Variants in LRCH1 observed in about 807,000 individuals in gnomAD.
The protein encoded by LRCH1 is leucine rich repeats and calponin homology domain containing 1, also known as leucine-rich repeat and calponin homology domain-containing protein 1.
A neutral mutation model predicts 94.9 loss-of-function variants in LRCH1; 23 were observed. The observed-to-expected ratio is 0.24, with a 90% CI of 0.17 to 0.34. The LOEUF is 0.34. Among genes scored for constraint, LRCH1 ranks in the 10% least tolerant of loss-of-function variants. The probability of loss-of-function intolerance (pLI) is 1.00; values close to 1 mark genes in which losing one functional copy is unlikely to be tolerated. For missense variants in LRCH1, 790 were observed against 945.9 expected (o/e 0.84, Z 2.16); for synonymous variants, 364 against 354.9 (o/e 1.03, Z -0.29).
intron 3 of LRCH1, 51 bp downstream of exon 3, chr13:46,669,207 G>A (rs748623424): frequency 1.9e-6 from 3 of 1,597,866 alleles, no homozygotes; most frequent in Non-Finnish European, 2.6e-6. Flanking sequence ...ACTGATCATA[G>A]CCTCTCAAGG....
rs964907995 is a variant in LRCH1 at position 46,555,132 on chromosome 13, A to G, written c.307+1429A>G. 6.6e-5 allele frequency among the ~76,000 whole-genome samples: 10 copies of G among 152,238 alleles called. No individual in the cohort carries two copies. In the East Asian group the frequency reaches 1.9e-3, roughly 29 times the overall value. On this transcript the variant is annotated intron_variant, in intron 1 of 19. Coordinates refer to ENST00000389797, the MANE Select transcript of LRCH1 (RefSeq NM_001164211.2). ...GGATAGTCAGGAATCGGCAAAAAAG[A>G]GGGAATTTCCAAAGTTGAGCTGTCA... is the stretch of plus-strand genomic sequence containing the variant.
chr13:46,701,069 T>C lies in LRCH1; in HGVS notation c.1314-52T>C, dbSNP rs1871442966. 9.3e-6 allele frequency: 10 copies of C among 1,080,566 alleles called. No individual in the cohort carries two copies. In the South Asian group the frequency reaches 1.3e-4, roughly 14 times the overall value. 66.9% of individuals were successfully genotyped at this position (1,080,566 alleles called of 1,614,324 possible). On this transcript the variant is annotated intron_variant, in intron 10 of 19. Coordinates refer to ENST00000389797, the MANE Select transcript of LRCH1 (RefSeq NM_001164211.2). ...GTTTGCTTTTTAAGAAATTAGATGA[T>C]ATTCATGTTGTATTGATCGTTTTCA... is the stretch of plus-strand genomic sequence containing the variant.
chr13:46,642,800 G>A (rs776613572), intron 1 of LRCH1, among the ~76,000 whole-genome samples: 10 of 152,152 alleles, frequency 6.6e-5, no homozygotes, highest in Non-Finnish European at 1.0e-4. Flanking sequence ...AGGTTGTGTC[G>A]TCTGCTCACC....
intron 1 of LRCH1, among the ~76,000 whole-genome samples, chr13:46,635,154 C>G (rs780469322): frequency 6.6e-6 from 1 of 152,212 alleles, no homozygotes; most frequent in South Asian, 2.1e-4. Flanking sequence ...GCCTTACTTT[C>G]AATTCATATC....
intron 12 of LRCH1, 28 bp from the exon 13 acceptor site, chr13:46,705,240 C>CTTTTTTTTT: frequency 2.6e-6 from 4 of 1,511,658 alleles, no homozygotes; most frequent in Non-Finnish European, 3.6e-6. Flanking sequence ...CACTTTGTAT[C>CTTTTTTTTT]TTTTTTTTTC....
At chr13:46,562,345 C>T (rs1363542074) in intron 1 of LRCH1, among the ~76,000 whole-genome samples, 1 of 152,188 alleles carries the variant, frequency 6.6e-6, no homozygotes, top group Non-Finnish European at 1.5e-5. Flanking sequence ...GGCTGGAAGT[C>T]CAAGATCAAG....
At chr13:46,655,219 G>A (rs561095579) in intron 2 of LRCH1, among the ~76,000 whole-genome samples, 66 of 152,268 alleles carry the variant, frequency 4.3e-4, no homozygotes, top group African/African-American at 1.6e-3. Context: ...TGGCTGATAT[G>A]TTGTCTTTAA....
intron 3 of LRCH1, among the ~76,000 whole-genome samples, chr13:46,673,579 A>G (rs2051629884): frequency 6.6e-6 from 1 of 152,194 alleles, no homozygotes; most frequent in Admixed American, 6.5e-5. Flanking sequence ...TCACGAAGTA[A>G]CCAACTTATT....
chr13:46,610,455 A>C (rs952287206), intron 1 of LRCH1, among the ~76,000 whole-genome samples: 9 of 151,352 alleles, frequency 5.9e-5, no homozygotes, highest in African/African-American at 2.2e-4. Flanking sequence ...TATCTACCCA[A>C]ATCTTCCTCC....
Position 46,744,173 on chromosome 13 carries a change from A to C in LRCH1, c.*2325A>C. 1 of 985,400 alleles carries C rather than the reference A, an allele frequency of 1.0e-6. No homozygotes were observed. Among genetic ancestry groups the C allele is most frequent in the Non-Finnish European group, 1.2e-6 (1 of 829,922 alleles). 61.0% of individuals were successfully genotyped at this position (985,400 alleles called of 1,614,324 possible). ...CCATATGCTAACTGGATGCCTGCGG[A>C]TGCCTGCCCTTGCAGCTTGACTGGG... is the stretch of plus-strand genomic sequence containing the variant. On this transcript the variant is annotated 3_prime_UTR_variant, in exon 20 of 20. Transcript: ENST00000389797.
chr13:46,575,510 A>ATGTGTGTGTGTG (rs59582784), intron 1 of LRCH1, among the ~76,000 whole-genome samples: 3,407 of 143,276 alleles, frequency 0.024, 67 homozygotes, highest in East Asian at 0.069. Context: ...CTGTGCATGA[A>ATGTGTGTGTGTG]TGTGTGTGTG....
intron 2 of LRCH1, 78 bp from the exon 3 acceptor site, chr13:46,668,952 T>C (rs1013436520): frequency 1.8e-5 from 27 of 1,481,586 alleles, no homozygotes; most frequent in Non-Finnish European, 2.5e-5. Context: ...CTTTTTCCTT[T>C]CTTGTTAAAA....
chr13:46,633,662 T>C (rs774713389), intron 1 of LRCH1, among the ~76,000 whole-genome samples: 3 of 152,172 alleles, frequency 2.0e-5, no homozygotes, highest in Non-Finnish European at 2.9e-5. Flanking sequence ...TTCACATTTT[T>C]CCAGGGTGAC....
At chr13:46,688,445 G>A (rs842374) in intron 6 of LRCH1, among the ~76,000 whole-genome samples, 119,370 of 152,174 alleles carry the variant, frequency 0.78, 46,958 homozygotes, top group East Asian at 0.85. Context: ...GTGTAGTTTT[G>A]TCGCCACTTC....
chr13:46,705,380 G>T (rs1296539552), intron 13 of LRCH1, 76 bp downstream of exon 13: 1 of 1,253,610 alleles, frequency 8.0e-7, no homozygotes, highest in Non-Finnish European at 1.2e-6. Flanking sequence ...ATTCTGTAAA[G>T]ATTTGTCAGG....
At chr13:46,732,071 AT>A (rs148654516) in intron 18 of LRCH1, among the ~76,000 whole-genome samples, 1,994 of 152,330 alleles carry the variant, frequency 0.013, 48 homozygotes, top group African/African-American at 0.045. Flanking sequence ...TATCTTTAGC[AT>A]CAAGTTTAGT....
intron 1 of LRCH1, among the ~76,000 whole-genome samples, chr13:46,614,930 G>A (rs2050789304): frequency 6.6e-6 from 1 of 152,154 alleles, no homozygotes; most frequent in African/African-American, 2.4e-5. Flanking sequence ...TTGGGCAGCT[G>A]GGACTTTGAG....
chr13:46,695,113 T>TA, intron 9 of LRCH1, 96 bp downstream of exon 9: 1 of 1,449,756 alleles, frequency 6.9e-7, no homozygotes, highest in South Asian at 1.3e-5. Context: ...TCCCCTTCAA[T>TA]GTCCAGCTTG....
At position 46,689,487 on chromosome 13, in the gene LRCH1, T is replaced by C. The variant is rs565382000; in HGVS notation, c.1014+291T>C. 8.5e-5 allele frequency among the ~76,000 whole-genome samples: 13 copies of C among 152,296 alleles called. No homozygotes were observed. The South Asian group carries it at 1.0e-3, about 12-fold the overall frequency. On this transcript the variant is annotated intron_variant, in intron 7 of 19. Transcript: ENST00000389797. ...ATCTAAAATATTATTGAGTGCTCAA[T>C]AAATATTACAAAATGGCTAAGTAGT...
Sources: gnomAD v4.1 joint callset for allele counts (sites outside exome capture counted in the v4.1 genomes callset) on GRCh38, gnomAD v4.1.1 for gene constraint, MANE v1.5 for transcripts, NCBI Gene and HGNC (gene_info 2026-07-23, HGNC 2026-07-21) for gene names.